MMP2: variants seen among roughly 807,000 people sequenced by gnomAD.
MMP2 encodes 72 kDa type IV collagenase.
In MMP2, 39 loss-of-function variants were observed where a neutral mutation model predicts 74.8. The observed-to-expected ratio is 0.52, with a 90% CI of 0.40 to 0.68. MMP2 has a LOEUF of 0.68. MMP2 is among the 30% of genes least tolerant of loss of function. MMP2 has a pLI of 0.00. For missense variants in MMP2, 803 were observed against 878.3 expected (o/e 0.91, Z 1.08); for synonymous variants, 367 against 339.8 (o/e 1.08, Z -0.88).
intron 1 of MMP2, 66 bp downstream of exon 1, chr16:55,479,698 G>T: frequency 1.2e-6 from 2 of 1,605,200 alleles, no homozygotes; most frequent in Non-Finnish European, 8.5e-7. Flanking sequence ...GGATGGGGGT[G>T]TCTCTCCCCC....
intron 3 of MMP2, 54 bp from the exon 4 acceptor site, chr16:55,485,245 G>A (rs1003284405): frequency 2.2e-5 from 35 of 1,608,940 alleles, no homozygotes; most frequent in Admixed American, 3.3e-5. Context: ...GGTGTGGAGG[G>A]GTTTCAGGGT....
intron 3 of MMP2, 128 bp downstream of exon 3, chr16:55,484,292 C>T (rs941669993): frequency 5.3e-5 from 62 of 1,159,108 alleles, no homozygotes; most frequent in Non-Finnish European, 7.3e-5. Context: ...GGTGTGGGCC[C>T]TGGGGGTGGT....
chr16:55,491,070 CCTTT>C (rs1164626163), intron 7 of MMP2, among the ~76,000 whole-genome samples: 10 of 124,366 alleles, frequency 8.0e-5, no homozygotes, highest in African/African-American at 3.1e-4. Context: ...TGCCTCTCCT[CCTTT>C]TTTTTTTTTT....
At chr16:55,487,979 G>A (rs748548215) in intron 5 of MMP2, 9 of 166,744 alleles carry the variant, frequency 5.4e-5, no homozygotes, top group South Asian at 1.7e-4. Context: ...GCGTGTGCAC[G>A]CACACACACA....
At chr16:55,479,944 A>G in intron 1 of MMP2, 2 of 212,142 alleles carry the variant, frequency 9.4e-6, no homozygotes, top group Non-Finnish European at 8.6e-6. Context: ...TTATGTAAAT[A>G]GCGGGGACAT....
At chr16:55,492,237 C>T (rs1346074220) in intron 8 of MMP2, among the ~76,000 whole-genome samples, 1 of 152,096 alleles carries the variant, frequency 6.6e-6, no homozygotes, top group Non-Finnish European at 1.5e-5. Context: ...GTAAGGTCAC[C>T]TGGTGCAAGG....
Position 55,498,312 on chromosome 16 carries a change from G to T in MMP2, c.1633G>T (p.Ala545Ser). ...AGGGAATGAATACTGGATCTACTCAGCCAGCACCCTGGAGCGAGGGTACCC... is the reference window on the plus strand; with the variant it reads ...AGGGAATGAATACTGGATCTACTCATCCAGCACCCTGGAGCGAGGGTACCC... Reference protein sequence around the residue: ...FAGNEYWIYSASTLERGYPKP... With the variant: ...FAGNEYWIYSSSTLERGYPKP... The change falls in exon 11 of 13, where the codon GCC (alanine) becomes TCC (serine). Residue 545 changes from alanine to serine, a missense_variant. By Grantham distance (99) the Ala-to-Ser change is moderately conservative (BLOSUM62 1). Transcript: ENST00000219070. 6.2e-7 allele frequency: 1 copy of T among 1,614,214 alleles called. No individual in the cohort carries two copies. Among genetic ancestry groups the T allele is most frequent in the South Asian group, 1.1e-5 (1 of 91,084 alleles).
chr16:55,500,227 G>GCA (rs1555493204), intron 11 of MMP2, among the ~76,000 whole-genome samples: 4 of 151,930 alleles, frequency 2.6e-5, no homozygotes, highest in Non-Finnish European at 5.9e-5. Context: ...CAGACAGTGT[G>GCA]CACGCACACG....
rs879467084 is a variant in MMP2, at chr16:55,498,198, A to G, written c.1610-91A>G. On this transcript the variant is annotated intron_variant, in intron 10 of 12. Coordinates refer to ENST00000219070, the MANE Select transcript of MMP2 (RefSeq NM_004530.6). Reference sequence around the variant, plus strand: ...GTTGCACTCTGTTGGGAATGGCTGCAGTGGGGCCCGTGGACAGACAGATGA... The same window carrying G: ...GTTGCACTCTGTTGGGAATGGCTGCGGTGGGGCCCGTGGACAGACAGATGA... 6 of 1,535,320 alleles carry G rather than the reference A, an allele frequency of 3.9e-6. No homozygotes were observed. The Middle Eastern group carries it at 6.2e-4, about 160-fold the overall frequency.
chr16:55,502,745 G>T, intron 11 of MMP2, 34 bp from the exon 12 acceptor site: 2 of 1,579,446 alleles, frequency 1.3e-6, no homozygotes, highest in Non-Finnish European at 1.7e-6. Context: ...CTTTAGAGAG[G>T]CCCTGCTGGT....
intron 12 of MMP2, among the ~76,000 whole-genome samples, chr16:55,503,892 C>G (rs1440943502): frequency 6.6e-6 from 1 of 152,196 alleles, no homozygotes; most frequent in Non-Finnish European, 1.5e-5. Context: ...ATGGTTCACA[C>G]CTGTCATCCC....
At position 55,498,421 on chromosome 16, in the gene MMP2, A is replaced by G; in HGVS notation, c.1742A>G (p.Tyr581Cys). ...AACTGGAGCAAAAACAAGAAGACAT[A>G]CATCTTTGCTGGAGACAAATTCTGG... The part of the protein sequence containing the change: ...AFNWSKNKKT[Y>C]IFAGDKFWRY... The change falls in exon 11 of 13, where the codon TAC (tyrosine) becomes TGC (cysteine). Residue 581 changes from tyrosine to cysteine, a missense_variant. By Grantham distance (194) the Tyr-to-Cys change is radical. Around this residue, in one of 3 missense-constraint regions of MMP2, gnomAD observed 555 missense variants for 592.0 expected, o/e 0.94. Transcript: ENST00000219070. The G allele has an allele frequency of 1.2e-6, 2 of 1,614,220 alleles. No homozygotes were observed. Among genetic ancestry groups the G allele is most frequent in the Non-Finnish European group, 1.7e-6 (2 of 1,180,046 alleles).
At chr16:55,505,202 G>A in intron 12 of MMP2, 137 bp from the exon 13 acceptor site, 1 of 807,324 alleles carries the variant, frequency 1.2e-6, no homozygotes, top group Non-Finnish European at 2.2e-6. Flanking sequence ...CAATCCTCCT[G>A]CCTCAGCCTT....
At chr16:55,489,206 G>A (rs17859909) in intron 6 of MMP2, among the ~76,000 whole-genome samples, 5 of 152,124 alleles carry the variant, frequency 3.3e-5, no homozygotes, top group Non-Finnish European at 4.4e-5. Flanking sequence ...TTTACTGAGC[G>A]CCTGCTTTGT....
At chr16:55,496,681 G>A (rs1325604521) in intron 9 of MMP2, among the ~76,000 whole-genome samples, 1 of 152,152 alleles carries the variant, frequency 6.6e-6, no homozygotes, top group Non-Finnish European at 1.5e-5. Flanking sequence ...GAGGTAGTCA[G>A]GGAAGGCTTC....
In MMP2 at chr16:55,496,952, G is replaced by A. The variant is rs28730814; in HGVS notation, c.1499G>A (p.Arg500His). 5.9e-4 allele frequency: 946 copies of A among 1,614,076 alleles called. 3 individuals are homozygous for A. The African/African-American group carries it at 6.6e-3, about 11-fold the overall frequency. Residue 500 changes from arginine to histidine, a missense_variant, in exon 10 of 13, where the codon CGT (arginine) becomes CAT (histidine). Transcript: ENST00000219070. ...DRFIWRTVTPRDKPMGPLLVA... is the reference protein window; with the variant it reads ...DRFIWRTVTPHDKPMGPLLVA... ...TTCATTTGGCGGACTGTGACGCCACGTGACAAGCCCATGGGGCCCCTGCTG... is the reference window on the plus strand; with the variant it reads ...TTCATTTGGCGGACTGTGACGCCACATGACAAGCCCATGGGGCCCCTGCTG...
rs1567376890 is a variant in MMP2 at position 55,489,838 on chromosome 16, G to A, written c.1180+14G>A. The A allele has an allele frequency of 6.2e-7, 1 of 1,613,424 alleles. No individual in the cohort carries two copies. Among genetic ancestry groups the A allele is most frequent in the East Asian group, 2.2e-5 (1 of 44,862 alleles). On this transcript the variant is annotated intron_variant, in intron 7 of 12. Coordinates refer to ENST00000219070, the MANE Select transcript of MMP2 (RefSeq NM_004530.6). ...GCCCTGACCAAGGTACGAGGCCCTG[G>A]TCATTGGACAGAGACCCTGGACATT...
intron 9 of MMP2, among the ~76,000 whole-genome samples, chr16:55,494,808 G>A (rs753983483): frequency 1.3e-5 from 2 of 152,264 alleles, no homozygotes; most frequent in Admixed American, 1.3e-4. Context: ...TTGTGAGCAC[G>A]TCCCAGTCAA....
chr16:55,503,503 ATT>A (rs59787590), intron 12 of MMP2, among the ~76,000 whole-genome samples: 147 of 146,068 alleles, frequency 1.0e-3, no homozygotes, highest in African/African-American at 3.5e-3. Context: ...AATTCCACAG[ATT>A]TTTTTTTTTT....
Sources: gnomAD v4.1 joint callset for allele counts (sites outside exome capture counted in the v4.1 genomes callset) on GRCh38, gnomAD v4.1.1 for gene constraint, gnomAD v4.1.1 regional missense constraint, MANE v1.5 for transcripts, NCBI Gene and HGNC (gene_info 2026-07-23, HGNC 2026-07-21) for gene names.